The following MEDAG variants were observed in gnomAD, a reference collection of about 807,000 sequenced individuals.
MEDAG encodes mesenteric estrogen dependent adipogenesis.
In MEDAG, 25 loss-of-function variants were observed where a neutral mutation model predicts 29.9. The observed-to-expected ratio is 0.84, with a 90% CI of 0.61 to 1.17. The LOEUF is 1.17. Among genes scored for constraint, MEDAG ranks in the 50% most tolerant of loss-of-function variants. The pLI, the probability that MEDAG is intolerant of heterozygous loss-of-function variation, is 0.00. For missense variants in MEDAG, 398 were observed against 372.9 expected (o/e 1.07, Z -0.56); for synonymous variants, 158 against 148.2 (o/e 1.07, Z -0.48).
intron 1 of MEDAG, chr13:30,908,676 A>G (rs1293375360): frequency 1.5e-5 from 2 of 132,202 alleles, no homozygotes; most frequent in East Asian, 4.3e-4. Flanking sequence ...ATAGCATAAA[A>G]CCTCCCTCCC....
chr13:30,919,860 G>A (rs35502161), intron 2 of MEDAG, among the ~76,000 whole-genome samples: 27,402 of 152,008 alleles, frequency 0.18, 2,568 homozygotes, highest in East Asian at 0.38. Flanking sequence ...TTGATGCGGG[G>A]GACTGGAAAA....
In MEDAG at chr13:30,906,693, C is replaced by T; in HGVS notation, c.178C>T (p.Pro60Ser). 1 of 1,528,420 alleles carries T rather than the reference C, an allele frequency of 6.5e-7. No homozygotes were observed. 94.7% of individuals were successfully genotyped at this position (1,528,420 alleles called of 1,614,324 possible). The part of the protein sequence containing the change: ...LSGDQLVVAR[P>S]GEPAAARGGF... Reference sequence around the variant, plus strand: ...CGGCGACCAGCTCGTGGTGGCCAGGCCCGGGGAGCCGGCGGCGGCGCGGGG... The same window carrying T: ...CGGCGACCAGCTCGTGGTGGCCAGGTCCGGGGAGCCGGCGGCGGCGCGGGG... The change falls in exon 1 of 5, where the codon CCC (proline) becomes TCC (serine). Residue 60 changes from proline to serine, a missense_variant. Transcript: ENST00000380482.
chr13:30,919,876 G>C (rs1952966054), intron 2 of MEDAG, among the ~76,000 whole-genome samples: 1 of 152,204 alleles, frequency 6.6e-6, no homozygotes, highest in Admixed American at 6.5e-5. Flanking sequence ...GAAAAGTTAA[G>C]AGGTTGCTGG....
intron 1 of MEDAG, chr13:30,916,567 T>C (rs879844259): frequency 6.6e-6 from 1 of 152,310 alleles, no homozygotes; most frequent in Non-Finnish European, 1.5e-5. Context: ...TTCAGCCTGC[T>C]GGGGGCCATT....
At chr13:30,912,180 C>G (rs1016449621) in intron 1 of MEDAG, among the ~76,000 whole-genome samples, 7 of 152,020 alleles carry the variant, frequency 4.6e-5, no homozygotes, top group African/African-American at 1.7e-4. Context: ...ATATGTGTAC[C>G]CTTGAATAAT....
intron 1 of MEDAG, among the ~76,000 whole-genome samples, chr13:30,912,430 C>G (rs1241675221): frequency 6.6e-6 from 1 of 152,026 alleles, no homozygotes; most frequent in Non-Finnish European, 1.5e-5. Flanking sequence ...GCAAGCAGTT[C>G]CTGGGCCTCC....
intron 1 of MEDAG, among the ~76,000 whole-genome samples, chr13:30,908,268 C>T (rs1709406769): frequency 6.6e-6 from 1 of 152,176 alleles, no homozygotes. Flanking sequence ...AACAACTGGG[C>T]CACAGTGACC....
rs931610624 is a variant in MEDAG at position 30,924,887 on chromosome 13, C to T, written c.*452C>T. On this transcript the variant is annotated 3_prime_UTR_variant, in exon 5 of 5. Coordinates refer to ENST00000380482, the MANE Select transcript of MEDAG (RefSeq NM_032849.4). ...CTTGGAGCATCCAACCCCTTGAACT[C>T]AAACCTGTCGAGCAAGGGGTTAAGA... is the stretch of plus-strand genomic sequence containing the variant. 6.5e-6 allele frequency: 1 copy of T among 153,012 alleles called. No homozygotes were observed. Among genetic ancestry groups the T allele is most frequent in the Non-Finnish European group, 1.5e-5 (1 of 68,656 alleles). 9.5% of individuals were successfully genotyped at this position (153,012 alleles called of 1,614,324 possible). A position where few individuals can be genotyped will look rare whatever the true frequency, so the allele number is the denominator to read the frequency against.
chr13:30,906,965 C>T (rs1952837318), intron 1 of MEDAG, among the ~76,000 whole-genome samples, 172 bp downstream of exon 1: 1 of 152,246 alleles, frequency 6.6e-6, no homozygotes, highest in African/African-American at 2.4e-5. Context: ...AGCCTGCACG[C>T]TCGCCCTGGT....
chr13:30,911,878 C>T (rs1013017022), intron 1 of MEDAG, among the ~76,000 whole-genome samples: 2 of 152,202 alleles, frequency 1.3e-5, no homozygotes, highest in African/African-American at 4.8e-5. Context: ...GATTTTTCAT[C>T]ATGCCAGGTG....
intron 1 of MEDAG, among the ~76,000 whole-genome samples, chr13:30,915,605 A>T (rs183848821): frequency 1.3e-5 from 2 of 151,588 alleles, no homozygotes; most frequent in East Asian, 1.9e-4. Context: ...CAACTGGGAT[A>T]AAAAAAAGGG....
At chr13:30,910,105 G>C (rs1952867372) in intron 1 of MEDAG, among the ~76,000 whole-genome samples, 1 of 151,884 alleles carries the variant, frequency 6.6e-6, no homozygotes, top group South Asian at 2.1e-4. Flanking sequence ...AATGTGCTCA[G>C]GACACGAGAT....
At chr13:30,916,374 C>T (rs1952929123) in intron 1 of MEDAG, 1 of 152,230 alleles carries the variant, frequency 6.6e-6, no homozygotes, top group South Asian at 2.1e-4. Context: ...GGACAATCAG[C>T]CAGAAAGAAT....
chr13:30,921,363 T>C (rs1195312243), intron 3 of MEDAG, among the ~76,000 whole-genome samples, 198 bp from the exon 4 acceptor site: 1 of 152,228 alleles, frequency 6.6e-6, no homozygotes, highest in Non-Finnish European at 1.5e-5. Context: ...GGCCAAGCAG[T>C]TCAGAATTTT....
chr13:30,906,894 G>A, intron 1 of MEDAG, 101 bp downstream of exon 1: 1 of 1,193,730 alleles, frequency 8.4e-7, no homozygotes, highest in African/African-American at 1.6e-5. Context: ...CGCTGCCTGC[G>A]ACACCGCGTG....
rs762093812 is a variant in MEDAG at position 30,915,028 on chromosome 13, G to A, written c.279-2375G>A. Among the ~76,000 whole-genome samples, 4 of 152,210 alleles carry A rather than the reference G, an allele frequency of 2.6e-5. No homozygotes were observed. The South Asian group carries it at 8.3e-4, about 32-fold the overall frequency. On this transcript the variant is annotated intron_variant, in intron 1 of 4. Coordinates refer to ENST00000380482, the MANE Select transcript of MEDAG (RefSeq NM_032849.4). ...GATAATGGGAAACCTGCCTCGAATG[G>A]GTCATAGGTGGAGCCTGCTCCCCAA...
rs1953026893 is a variant in MEDAG, at chr13:30,924,876, C to T, written c.*441C>T. The T allele has an allele frequency of 6.5e-6, 1 of 153,402 alleles. No homozygotes were observed. Among genetic ancestry groups the T allele is most frequent in the Non-Finnish European group, 1.4e-5 (1 of 68,972 alleles). The allele number at this position is 153,402 out of a possible 1,614,324, so 9.5% of individuals were successfully genotyped here. A position where few individuals can be genotyped will look rare whatever the true frequency, so the allele number is the denominator to read the frequency against. ...TTGGCCCTCTGCTTGGAGCATCCAA[C>T]CCCTTGAACTCAAACCTGTCGAGCA... On this transcript the variant is annotated 3_prime_UTR_variant, in exon 5 of 5. Coordinates refer to ENST00000380482, the MANE Select transcript of MEDAG (RefSeq NM_032849.4).
In MEDAG at chr13:30,921,088, G is replaced by T; in HGVS notation, c.463G>T (p.Val155Phe). ...RRQIEQGMDMVISSVIGESYR... is the reference protein window; with the variant it reads ...RRQIEQGMDMFISSVIGESYR... ...ACAGATAGAGCAAGGGATGGACATGGTCATCTCCTCAGTGATTGGAGAAAG... is the reference window on the plus strand; with the variant it reads ...ACAGATAGAGCAAGGGATGGACATGTTCATCTCCTCAGTGATTGGAGAAAG... Residue 155 changes from valine (V) to phenylalanine (F), a missense_variant, in exon 3 of 5, where the codon GTC (valine) becomes TTC (phenylalanine). Transcript: ENST00000380482. 6.2e-7 allele frequency: 1 copy of T among 1,614,186 alleles called. No homozygotes were observed. The highest frequency in any genetic ancestry group is 1.6e-4 in the Middle Eastern group (1 of 6,062).
At chr13:30,917,656 C>A in intron 2 of MEDAG, 144 bp downstream of exon 2, 1 of 600,796 alleles carries the variant, frequency 1.7e-6, no homozygotes, top group South Asian at 2.0e-5. Flanking sequence ...AGGAAACTTA[C>A]AATCATGGTG....
Sources: allele counts gnomAD v4.1 joint callset (sites outside exome capture counted in the v4.1 genomes callset), GRCh38; gene constraint gnomAD v4.1.1; transcripts MANE v1.5; gene names NCBI Gene and HGNC (gene_info 2026-07-23, HGNC 2026-07-21).